The following RBL2 variants were observed in gnomAD, a reference collection of about 807,000 sequenced individuals.
RBL2 encodes the protein retinoblastoma-like protein 2.
RBL2 carries 56 observed loss-of-function variants against 126.0 expected under a neutral mutation model. The observed-to-expected ratio is 0.44, with a 90% CI of 0.36 to 0.56. RBL2 has a LOEUF of 0.56. Ranked by LOEUF, RBL2 falls within the 20% of genes least tolerant of loss-of-function variation. RBL2 has a pLI of 0.00. For synonymous variants in RBL2, 454 were observed against 478.5 expected (o/e 0.95, Z 0.67); for missense variants, 1,229 against 1,398.2 (o/e 0.88, Z 1.93).
chr16:53,447,708 A>C (rs574811011), intron 4 of RBL2, among the ~76,000 whole-genome samples: 229 of 152,160 alleles, frequency 1.5e-3, no homozygotes, highest in Non-Finnish European at 2.5e-3. Flanking sequence ...GTAGTGGCAC[A>C]ATCTCGGCTC....
chr16:53,445,625 C>T (rs535121366), intron 3 of RBL2, among the ~76,000 whole-genome samples: 1 of 152,324 alleles, frequency 6.6e-6, no homozygotes, highest in South Asian at 2.1e-4. Flanking sequence ...ACTGCGGGAA[C>T]CCATGTGCTT....
Position 53,457,258 on chromosome 16 carries a change from C to CCTT in RBL2, c.1180-2193_1180-2192insCTT, listed in dbSNP as rs1555566426. Among the ~76,000 whole-genome samples, 141 of 89,898 alleles carry CCTT rather than the reference C, an allele frequency of 1.6e-3. 9 individuals carry two copies. Among genetic ancestry groups the CCTT allele is most frequent in the South Asian group, 2.0e-3 (5 of 2,470 alleles). 59.0% of individuals were successfully genotyped at this position (89,898 alleles called of 152,430 possible). The stretch of plus-strand genomic sequence containing the variant: ...GGGTCATCAGGGTGGGTACAGATAG[C>CCTT]TTTTTTTTTTTTTTTTTTTGAGATG... On this transcript the variant is annotated intron_variant, in intron 8 of 21. Coordinates refer to ENST00000262133, the MANE Select transcript of RBL2 (RefSeq NM_005611.4).
intron 1 of RBL2, among the ~76,000 whole-genome samples, chr16:53,438,256 G>T (rs1156724691): frequency 1.3e-5 from 2 of 152,084 alleles, no homozygotes; most frequent in Non-Finnish European, 2.9e-5. Flanking sequence ...GCTGGAGCTC[G>T]TTGGGCATCT....
chr16:53,481,534 G>C (rs1960946153), intron 20 of RBL2, 137 bp from the exon 21 acceptor site: 3 of 791,858 alleles, frequency 3.8e-6, no homozygotes. Flanking sequence ...TTTTCTTTAG[G>C]TTAAGTTATT....
At position 53,453,458 on chromosome 16, in the gene RBL2, C is replaced by G. The variant is rs376641190; in HGVS notation, c.773C>G (p.Ser258Cys). ...ELVNPNFKGLSEDFHAKDSKP... is the reference protein window; with the variant it reads ...ELVNPNFKGLCEDFHAKDSKP... ...GTGATTCTATACACCATAGGCTTAT[C>G]TGAAGATTTTCATGCTAAAGATTCT... Residue 258 changes from serine (S) to cysteine (C), a missense_variant, in exon 6 of 22, where the codon TCT becomes TGT. Around this residue, in one of 2 missense-constraint regions of RBL2, gnomAD observed 1,070 missense variants for 1,274.3 expected, o/e 0.84. Coordinates refer to ENST00000262133, the MANE Select transcript of RBL2 (RefSeq NM_005611.4). 65 of 1,611,850 alleles carry G rather than the reference C, an allele frequency of 4.0e-5. No individual in the cohort carries two copies. Among genetic ancestry groups the G allele is most frequent in the Non-Finnish European group, 5.4e-5 (64 of 1,178,506 alleles).
At chr16:53,463,252 T>C (rs2058239825) in intron 11 of RBL2, among the ~76,000 whole-genome samples, 1 of 152,270 alleles carries the variant, frequency 6.6e-6, no homozygotes, top group African/African-American at 2.4e-5. Context: ...CTATGATTAA[T>C]GTCATCCTAT....
intron 21 of RBL2, among the ~76,000 whole-genome samples, chr16:53,482,281 T>C (rs989458654): frequency 6.6e-6 from 1 of 152,204 alleles, no homozygotes; most frequent in South Asian, 2.1e-4. Flanking sequence ...CAGATGTATG[T>C]GGCAACAGCC....
chr16:53,459,272 C>T (rs191701638), intron 8 of RBL2, among the ~76,000 whole-genome samples, 179 bp from the exon 9 acceptor site: 19 of 152,210 alleles, frequency 1.2e-4, no homozygotes, highest in African/African-American at 3.9e-4. Flanking sequence ...GCTCTTAATG[C>T]TGTTATGTTT....
intron 18 of RBL2, chr16:53,479,600 G>A: frequency 2.2e-6 from 1 of 450,808 alleles, no homozygotes; most frequent in South Asian, 3.0e-5. Context: ...TCTCTGAGAG[G>A]CAAATCGGCC....
At chr16:53,483,988 T>C (rs1265114529) in intron 21 of RBL2, among the ~76,000 whole-genome samples, 1 of 148,430 alleles carries the variant, frequency 6.7e-6, no homozygotes, top group Non-Finnish European at 1.5e-5. Context: ...ATAAAACTTA[T>C]GAAAACTGGA....
chr16:53,476,115 C>T (rs1960721383), intron 17 of RBL2, among the ~76,000 whole-genome samples: 1 of 152,034 alleles, frequency 6.6e-6, no homozygotes, highest in Non-Finnish European at 1.5e-5. Context: ...TGAGCCACCG[C>T]CCTTGGCCCT....
chr16:53,473,045 A>G (rs1042567046), intron 17 of RBL2, among the ~76,000 whole-genome samples: 3 of 152,322 alleles, frequency 2.0e-5, no homozygotes, highest in East Asian at 1.9e-4. Flanking sequence ...TCTAAATTCT[A>G]TTCCACTGGA....
Position 53,454,845 on chromosome 16 carries a change from G to C in RBL2, c.1179+3G>C. On this transcript the variant is annotated splice_donor_region_variant and intron_variant, in intron 8 of 21. Coordinates refer to ENST00000262133, the MANE Select transcript of RBL2 (RefSeq NM_005611.4). The stretch of plus-strand genomic sequence containing the variant: ...TCTTACAGCAGCATTTTGACAAGGT[G>C]AGTTTAGCCATGCCAGAAGAGTAGA... 2 of 1,602,956 alleles carry C rather than the reference G, an allele frequency of 1.2e-6. No individual in the cohort carries two copies. The highest frequency in any genetic ancestry group is 1.7e-6 in the Non-Finnish European group (2 of 1,173,200).
intron 4 of RBL2, among the ~76,000 whole-genome samples, chr16:53,451,496 ACT>A (rs1389050795): frequency 2.0e-5 from 3 of 152,296 alleles, no homozygotes; most frequent in Admixed American, 6.5e-5. Flanking sequence ...ACCCACCAAG[ACT>A]CTGTCTCTTA....
At chr16:53,474,619 A>T (rs545519570) in intron 17 of RBL2, among the ~76,000 whole-genome samples, 1 of 152,280 alleles carries the variant, frequency 6.6e-6, no homozygotes, top group South Asian at 2.1e-4. Flanking sequence ...CCCAGCCTAT[A>T]ATTCTTTTTA....
At chr16:53,476,094 G>T (rs567969683) in intron 17 of RBL2, among the ~76,000 whole-genome samples, 73 of 152,028 alleles carry the variant, frequency 4.8e-4, no homozygotes, top group African/African-American at 1.7e-3. Flanking sequence ...AAAGTGCTGG[G>T]ATTACAGGTG....
chr16:53,466,996 T>G, intron 13 of RBL2, 62 bp from the exon 14 acceptor site: 1 of 1,133,836 alleles, frequency 8.8e-7, no homozygotes. Context: ...TAGATTACTA[T>G]TGTATTTGTA....
At chr16:53,462,417 C>A in intron 10 of RBL2, 135 bp from the exon 11 acceptor site, 1 of 514,230 alleles carries the variant, frequency 1.9e-6, no homozygotes, top group Non-Finnish European at 3.4e-6. Flanking sequence ...ATTAAAACAC[C>A]AATCATAAGA....
chr16:53,437,208 G>C (rs1820582468), intron 1 of RBL2, among the ~76,000 whole-genome samples: 1 of 151,806 alleles, frequency 6.6e-6, no homozygotes, highest in African/African-American at 2.4e-5. Context: ...ATATAGTAGA[G>C]AAATGCAGTA....
Sources: gnomAD v4.1 joint callset for allele counts (sites outside exome capture counted in the v4.1 genomes callset) on GRCh38, gnomAD v4.1.1 for gene constraint, gnomAD v4.1.1 regional missense constraint, MANE v1.5 for transcripts, NCBI Gene and HGNC (gene_info 2026-07-23, HGNC 2026-07-21) for gene names.